The following CREB5 variants were observed in gnomAD, a reference collection of about 807,000 sequenced individuals.
CREB5 encodes cAMP responsive element binding protein 5.
CREB5 carries 19 observed loss-of-function variants against 57.1 expected under a neutral mutation model. The observed-to-expected ratio is 0.33, with a 90% CI of 0.23 to 0.49. The LOEUF (loss-of-function observed/expected upper bound fraction) is 0.49. Among genes scored for constraint, CREB5 ranks in the 20% least tolerant of loss-of-function variants. The probability of loss-of-function intolerance (pLI) is 0.99; values close to 1 mark genes in which losing one functional copy is unlikely to be tolerated. For synonymous variants in CREB5, 238 were observed against 238.3 expected (o/e 1.00, Z 0.01); for missense variants, 579 against 671.6 (o/e 0.86, Z 1.52).
At chr7:28,433,312 A>G (rs1788806726) in intron 1 of CREB5, among the ~76,000 whole-genome samples, 1 of 152,204 alleles carries the variant, frequency 6.6e-6, no homozygotes, top group Non-Finnish European at 1.5e-5. Context: ...AGTATTGGGT[A>G]TTGTAGTCAA....
At chr7:28,401,178 A>G (rs1787454108) in intron 1 of CREB5, among the ~76,000 whole-genome samples, 1 of 152,148 alleles carries the variant, frequency 6.6e-6, no homozygotes, top group Non-Finnish European at 1.5e-5. Context: ...TTAAGATAAG[A>G]GCAACTTTTA....
chr7:28,403,230 A>T (rs190395341), intron 1 of CREB5, among the ~76,000 whole-genome samples: 1 of 152,250 alleles, frequency 6.6e-6, no homozygotes, highest in Admixed American at 6.5e-5. Context: ...TTATGCTAAG[A>T]CTCAAAAACT....
At chr7:28,801,378 T>A (rs1808356617) in intron 7 of CREB5, among the ~76,000 whole-genome samples, 2 of 152,226 alleles carry the variant, frequency 1.3e-5, no homozygotes, top group Admixed American at 6.5e-5. Flanking sequence ...GTCATTTTTT[T>A]AAAAAGGCAT....
intron 7 of CREB5, among the ~76,000 whole-genome samples, chr7:28,776,149 A>T (rs1806617106): frequency 6.6e-6 from 1 of 152,038 alleles, no homozygotes; most frequent in Non-Finnish European, 1.5e-5. Context: ...CATCCTGACT[A>T]ACATGGTGAA....
chr7:28,781,928 A>AAT (rs1807000181), intron 7 of CREB5, among the ~76,000 whole-genome samples: 1 of 141,762 alleles, frequency 7.1e-6, no homozygotes, highest in Non-Finnish European at 1.6e-5. Context: ...AAATTTCAAC[A>AAT]ATGTGTGTTT....
chr7:28,651,342 G>A (rs1300379084), intron 5 of CREB5, among the ~76,000 whole-genome samples: 1 of 152,136 alleles, frequency 6.6e-6, no homozygotes, highest in Non-Finnish European at 1.5e-5. Context: ...TGGAGAGAAA[G>A]CATTTCCCAC....
intron 5 of CREB5, among the ~76,000 whole-genome samples, chr7:28,631,672 CTCCTGCCTCAGCCTCTCATAA>C (rs1217153440): frequency 6.6e-6 from 1 of 152,172 alleles, no homozygotes; most frequent in Admixed American, 6.5e-5. Context: ...TCAAGCGATT[CTCCTGCCTCAGCCTCTCATAA>C]TTCTGCCTTG....
At chr7:28,763,851 G>C (rs1189182220) in intron 7 of CREB5, among the ~76,000 whole-genome samples, 1 of 151,508 alleles carries the variant, frequency 6.6e-6, no homozygotes, top group East Asian at 1.9e-4. Flanking sequence ...ACCAAGGCTG[G>C]AGTACATGGC....
intron 7 of CREB5, among the ~76,000 whole-genome samples, chr7:28,790,554 C>T (rs535644540): frequency 6.6e-6 from 1 of 151,386 alleles, no homozygotes; most frequent in Non-Finnish European, 1.5e-5. Flanking sequence ...GAATCAGTAC[C>T]AAGAAAAACA....
At chr7:28,674,871 C>T (rs1037268336) in intron 5 of CREB5, among the ~76,000 whole-genome samples, 3 of 152,244 alleles carry the variant, frequency 2.0e-5, no homozygotes, top group Non-Finnish European at 2.9e-5. Context: ...GGCTTTTTCT[C>T]ACCAATTAAA....
At chr7:28,522,641 G>T (rs936495969) in intron 4 of CREB5, among the ~76,000 whole-genome samples, 2 of 151,774 alleles carry the variant, frequency 1.3e-5, no homozygotes, top group African/African-American at 4.8e-5. Context: ...CAAGTGATCC[G>T]CCTGCCTCAG....
At chr7:28,399,452 G>A (rs1487320936) in intron 1 of CREB5, among the ~76,000 whole-genome samples, 1 of 148,800 alleles carries the variant, frequency 6.7e-6, no homozygotes, top group African/African-American at 2.4e-5. Flanking sequence ...ATAGAGCAAT[G>A]GAGCAGAATA....
intron 7 of CREB5, among the ~76,000 whole-genome samples, chr7:28,792,680 T>C (rs2237361): frequency 0.51 from 78,243 of 152,092 alleles, 22,494 homozygotes; most frequent in African/African-American, 0.79. Flanking sequence ...GTATTTTTTA[T>C]TCTGGCTTCC....
intron 1 of CREB5, among the ~76,000 whole-genome samples, chr7:28,318,956 C>A (rs1166243582): frequency 6.6e-6 from 1 of 152,182 alleles, no homozygotes; most frequent in Non-Finnish European, 1.5e-5. Context: ...TGATTCTGGA[C>A]TGACATTCTA....
At chr7:28,424,438 C>T (rs1788410688) in intron 1 of CREB5, among the ~76,000 whole-genome samples, 2 of 152,138 alleles carry the variant, frequency 1.3e-5, no homozygotes, top group African/African-American at 2.4e-5. Context: ...TCAGATAGAT[C>T]CCTGGAAAAA....
At chr7:28,604,689 A>G (rs1797044292) in intron 5 of CREB5, among the ~76,000 whole-genome samples, 1 of 151,950 alleles carries the variant, frequency 6.6e-6, no homozygotes, top group South Asian at 2.1e-4. Flanking sequence ...TTTCTTCTTG[A>G]TGTATATCAT....
At chr7:28,760,270 C>T (rs998969603) in intron 7 of CREB5, among the ~76,000 whole-genome samples, 3 of 152,188 alleles carry the variant, frequency 2.0e-5, no homozygotes, top group African/African-American at 7.2e-5. Context: ...CCCCACACAC[C>T]TCTTTCCTCT....
At chr7:28,737,315 G>A (rs1020825873) in intron 7 of CREB5, among the ~76,000 whole-genome samples, 193 of 151,556 alleles carry the variant, frequency 1.3e-3, no homozygotes, top group African/African-American at 4.2e-3. Flanking sequence ...TAAGAAGCAA[G>A]GTGAGGCATT....
chr7:28,794,562 G>A lies in CREB5; in HGVS notation c.703-9637G>A, dbSNP rs936048703. 7.9e-5 allele frequency among the ~76,000 whole-genome samples: 12 copies of A among 152,254 alleles called. No homozygotes were observed. In the Middle Eastern group the frequency reaches 0.01, roughly 129 times the overall value. ...TCATGACATAATGCTTAAGGAGCTC[G>A]GCAGCCGGAAAGGAACAGCGGATCT... On this transcript the variant is annotated intron_variant, in intron 7 of 10. Transcript: ENST00000357727.
Sources: gnomAD v4.1 joint callset for allele counts (sites outside exome capture counted in the v4.1 genomes callset) on GRCh38, gnomAD v4.1.1 for gene constraint, MANE v1.5 for transcripts, NCBI Gene and HGNC (gene_info 2026-07-23, HGNC 2026-07-21) for gene names.